The following CNTNAP2 variants were observed in gnomAD, a reference collection of about 807,000 sequenced individuals.
CNTNAP2 encodes contactin associated protein 2.
In CNTNAP2, 98 loss-of-function variants were observed where a neutral mutation model predicts 155.2. That is an observed-to-expected ratio of 0.63 (90% confidence interval 0.54 to 0.75). The LOEUF is 0.75. Among genes scored for constraint, CNTNAP2 ranks in the 30% least tolerant of loss-of-function variants. The pLI is 0.00. For synonymous variants in CNTNAP2, 651 were observed against 631.2 expected (o/e 1.03, Z -0.47); for missense variants, 1,727 against 1,688.1 (o/e 1.02, Z -0.40).
rs186273617 is a variant in CNTNAP2, at chr7:147,031,265, T to C, written c.403-12642T>C. ...GAGGTTTGGAAAGAAAAATAATATA[T>C]TTGAGTAAAATTTAAAATAGATTTC... On this transcript the variant is annotated intron_variant, in intron 3 of 23. Coordinates refer to ENST00000361727, the MANE Select transcript of CNTNAP2 (RefSeq NM_014141.6). 1.7e-3 allele frequency among the ~76,000 whole-genome samples: 256 copies of C among 152,276 alleles called. 2 individuals carry two copies. Among genetic ancestry groups the C allele is most frequent in the Admixed American group, 0.012 (188 of 15,310 alleles).
At chr7:146,334,573 A>C (rs1801242951) in intron 1 of CNTNAP2, among the ~76,000 whole-genome samples, 1 of 113,452 alleles carries the variant, frequency 8.8e-6, no homozygotes, top group Non-Finnish European at 1.8e-5. Context: ...AAAGGTTATG[A>C]ATTGTATGCA....
At chr7:147,917,515 G>A (rs1314984204) in intron 14 of CNTNAP2, among the ~76,000 whole-genome samples, 1 of 152,136 alleles carries the variant, frequency 6.6e-6, no homozygotes, top group African/African-American at 2.4e-5. Flanking sequence ...CAGGCAGAAG[G>A]TAGAAAAGAG....
intron 13 of CNTNAP2, among the ~76,000 whole-genome samples, chr7:147,877,366 G>A (rs1032829220): frequency 2.0e-5 from 3 of 152,088 alleles, no homozygotes; most frequent in African/African-American, 7.2e-5. Flanking sequence ...GCCCAGCACT[G>A]AGCTAAACAT....
At chr7:146,122,044 G>T (rs1797570892) in intron 1 of CNTNAP2, among the ~76,000 whole-genome samples, 1 of 152,138 alleles carries the variant, frequency 6.6e-6, no homozygotes. Context: ...CATCCTAACA[G>T]TTCATTTTAT....
intron 13 of CNTNAP2, among the ~76,000 whole-genome samples, chr7:147,860,144 A>G (rs866180381): frequency 2.0e-5 from 3 of 151,942 alleles, no homozygotes; most frequent in African/African-American, 7.2e-5. Flanking sequence ...GGATTTGGAG[A>G]CTGGGTGCAG....
chr7:146,291,027 G>A (rs2129086605), intron 1 of CNTNAP2, among the ~76,000 whole-genome samples: 1 of 152,264 alleles, frequency 6.6e-6, no homozygotes, highest in East Asian at 1.9e-4. Flanking sequence ...ACTACAAAAT[G>A]TTCCATTTCA....
intron 13 of CNTNAP2, among the ~76,000 whole-genome samples, chr7:147,850,436 CA>C (rs1280892302): frequency 5.3e-5 from 8 of 152,080 alleles, no homozygotes; most frequent in African/African-American, 1.9e-4. Flanking sequence ...CATATGCAAC[CA>C]AAAAAGAGCC....
intron 12 of CNTNAP2, among the ~76,000 whole-genome samples, chr7:147,584,978 G>A (rs1800589497): frequency 6.6e-6 from 1 of 152,116 alleles, no homozygotes. Context: ...GACCCTCAGT[G>A]AGAATCTCAG....
At chr7:146,341,414 C>A (rs1159450631) in intron 1 of CNTNAP2, among the ~76,000 whole-genome samples, 3 of 152,020 alleles carry the variant, frequency 2.0e-5, no homozygotes, top group African/African-American at 7.2e-5. Context: ...TTCCATTATA[C>A]TGAAGACTTG....
intron 15 of CNTNAP2, among the ~76,000 whole-genome samples, chr7:148,081,336 T>G (rs887074619): frequency 6.6e-6 from 1 of 152,112 alleles, no homozygotes; most frequent in African/African-American, 2.4e-5. Flanking sequence ...GGTGTGTATG[T>G]GAGAGTGTTG....
intron 13 of CNTNAP2, among the ~76,000 whole-genome samples, chr7:147,801,996 G>GGGGGGCT (rs1798001839): frequency 6.7e-6 from 1 of 149,872 alleles, no homozygotes; most frequent in African/African-American, 2.5e-5. Context: ...GCTGCCGGGC[G>GGGGGGCT]GAGACGCTCC....
Position 147,646,284 on chromosome 7 carries a change from T to C in CNTNAP2, c.2098+6978T>C, listed in dbSNP as rs377315442. On this transcript the variant is annotated intron_variant, in intron 13 of 23. Coordinates refer to ENST00000361727, the MANE Select transcript of CNTNAP2 (RefSeq NM_014141.6). Reference sequence around the variant, plus strand: ...CAGTTCTAAGGCTTACCTTGTTTATTAAGAAAAAACTGGAGAATTGGTGGT... The same window carrying C: ...CAGTTCTAAGGCTTACCTTGTTTATCAAGAAAAAACTGGAGAATTGGTGGT... Among the ~76,000 whole-genome samples, 17 of 152,270 alleles carry C rather than the reference T, an allele frequency of 1.1e-4. No individual in the cohort carries two copies. The East Asian group carries it at 2.9e-3, about 26-fold the overall frequency.
intron 15 of CNTNAP2, among the ~76,000 whole-genome samples, chr7:148,039,063 A>T (rs868367186): frequency 6.6e-6 from 1 of 152,172 alleles, no homozygotes; most frequent in African/African-American, 2.4e-5. Context: ...GGCTCATGCA[A>T]TTGGGAGGTT....
chr7:147,530,937 C>T (rs2116724991), intron 11 of CNTNAP2, among the ~76,000 whole-genome samples: 1 of 152,284 alleles, frequency 6.6e-6, no homozygotes, highest in African/African-American at 2.4e-5. Flanking sequence ...TGGACAAATA[C>T]AGCGGTTCCA....
At chr7:147,516,907 G>A (rs1406000940) in intron 11 of CNTNAP2, among the ~76,000 whole-genome samples, 1 of 147,476 alleles carries the variant, frequency 6.8e-6, no homozygotes, top group East Asian at 2.0e-4. Flanking sequence ...CTGTGCCCAG[G>A]ATGCAGTGCA....
intron 8 of CNTNAP2, among the ~76,000 whole-genome samples, chr7:147,222,616 T>C (rs1487183887): frequency 6.6e-6 from 1 of 152,118 alleles, no homozygotes; most frequent in East Asian, 1.9e-4. Flanking sequence ...TTTTGTCTTT[T>C]TGTATGCTTT....
chr7:146,326,932 C>G (rs181903849), intron 1 of CNTNAP2, among the ~76,000 whole-genome samples: 1 of 152,106 alleles, frequency 6.6e-6, no homozygotes, highest in African/African-American at 2.4e-5. Flanking sequence ...AAATATTTCT[C>G]TTCCTATGCA....
intron 15 of CNTNAP2, among the ~76,000 whole-genome samples, chr7:147,981,786 GGT>G (rs57272792): frequency 0.39 from 55,467 of 143,448 alleles, 10,855 homozygotes; most frequent in East Asian, 0.57. Context: ...TGTCCTTACA[GGT>G]GTGTGTGTGT....
chr7:147,489,229 T>G (rs540579938), intron 11 of CNTNAP2, among the ~76,000 whole-genome samples: 6 of 152,294 alleles, frequency 3.9e-5, no homozygotes, highest in African/African-American at 1.2e-4. Context: ...GTAAATTATA[T>G]GTAGGGCTTA....
Sources: gnomAD v4.1 joint callset for allele counts (sites outside exome capture counted in the v4.1 genomes callset) on GRCh38, gnomAD v4.1.1 for gene constraint, MANE v1.5 for transcripts, NCBI Gene and HGNC (gene_info 2026-07-23, HGNC 2026-07-21) for gene names.